Variants in LUC7L3 observed in about 807,000 individuals in gnomAD.
LUC7L3 encodes luc7-like protein 3.
Under a neutral mutation model 66.8 loss-of-function variants are expected in LUC7L3, and 6 were observed. The observed-to-expected ratio is 0.09, with a 90% CI of 0.05 to 0.18. The LOEUF is 0.18. Ranked by LOEUF, LUC7L3 falls within the 10% of genes least tolerant of loss-of-function variation. The pLI, the probability that LUC7L3 is intolerant of heterozygous loss-of-function variation, is 1.00. For missense variants in LUC7L3, 341 were observed against 531.1 expected, an observed-to-expected ratio of 0.64 and a Z score of 3.52; for synonymous variants, 160 against 174.7, an observed-to-expected ratio of 0.92 and a Z score of 0.66.
intron 7 of LUC7L3, 68 bp downstream of exon 7, chr17:50,744,881 A>C: frequency 1.2e-4 from 159 of 1,274,854 alleles, no homozygotes; most frequent in Non-Finnish European, 1.6e-4. Context: ...ACGCGATCTC[A>C]GCTCACTGCC....
At position 50,754,929 on chromosome 17, in the gene LUC7L3, G is replaced by A. The variant is rs1430427770; in HGVS notation, c.*4268G>A. 1 of 152,114 alleles carries A rather than the reference G, an allele frequency of 6.6e-6. No individual in the cohort carries two copies. Among genetic ancestry groups the A allele is most frequent in the Non-Finnish European group, 1.5e-5 (1 of 68,012 alleles). 9.4% of individuals were successfully genotyped at this position (152,114 alleles called of 1,614,324 possible). A position where few individuals can be genotyped will look rare whatever the true frequency, so the allele number is the denominator to read the frequency against. ...TGTAAGAACTGAAAATTTTTATGGTGGAAGTTCTCTGAGCCCTCATCCATT... is the reference window on the plus strand; with the variant it reads ...TGTAAGAACTGAAAATTTTTATGGTAGAAGTTCTCTGAGCCCTCATCCATT... On this transcript the variant is annotated 3_prime_UTR_variant, in exon 10 of 10. Transcript: ENST00000505658.
Position 50,732,927 on chromosome 17 carries a change from G to A in LUC7L3, c.100-4033G>A, listed in dbSNP as rs145460199. Among the ~76,000 whole-genome samples the A allele has an allele frequency of 2.2e-4, 33 of 152,272 alleles. No individual in the cohort carries two copies. The East Asian group carries it at 5.6e-3, about 26-fold the overall frequency. ...CTGGTTCTTTAGCAGATAAGCAACGGCGAAGATTCATTGTGCTGTGTTGCA... is the reference window on the plus strand; with the variant it reads ...CTGGTTCTTTAGCAGATAAGCAACGACGAAGATTCATTGTGCTGTGTTGCA... On this transcript the variant is annotated intron_variant, in intron 1 of 9. Transcript: ENST00000505658.
chr17:50,743,584 G>T (rs1970485472), intron 5 of LUC7L3, 122 bp from the exon 6 acceptor site: 2 of 633,842 alleles, frequency 3.2e-6, no homozygotes, highest in African/African-American at 1.9e-5. Flanking sequence ...AACCCAAAGA[G>T]GCTTTTGTAA....
intron 1 of LUC7L3, among the ~76,000 whole-genome samples, chr17:50,727,442 A>G (rs558922991): frequency 9.1e-4 from 138 of 152,284 alleles, no homozygotes; most frequent in African/African-American, 3.1e-3. Context: ...TTTCCAGTCA[A>G]CTAAGAATGG....
intron 1 of LUC7L3, among the ~76,000 whole-genome samples, chr17:50,732,233 G>C (rs150650585): frequency 6.6e-6 from 1 of 152,164 alleles, no homozygotes; most frequent in African/African-American, 2.4e-5. Context: ...AATCTTAGGG[G>C]CATTCCTGGA....
In LUC7L3 at chr17:50,753,639, T is replaced by C. The variant is rs543643857; in HGVS notation, c.*2978T>C. On this transcript the variant is annotated 3_prime_UTR_variant, in exon 10 of 10. Coordinates refer to ENST00000505658, the MANE Select transcript of LUC7L3 (RefSeq NM_016424.5). ...TTAAGATAAAATGGGAAGTAAAATC[T>C]AACAAACACAAAGATAGCTCCCAGG... The C allele has an allele frequency of 2.0e-4, 30 of 152,294 alleles. No individual in the cohort carries two copies. Among genetic ancestry groups the C allele is most frequent in the African/African-American group, 7.2e-4 (30 of 41,556 alleles). The allele number at this position is 152,294 out of a possible 1,614,324, so 9.4% of individuals were successfully genotyped here.
Position 50,753,961 on chromosome 17 carries a change from C to G in LUC7L3, c.*3300C>G, listed in dbSNP as rs984836569. On this transcript the variant is annotated 3_prime_UTR_variant, in exon 10 of 10. Transcript: ENST00000505658. ...ACCTGCCTCCCCAGGACATCTATGA[C>G]TAAGGCCTGGCTTTAGTTATGGAGA... 3.3e-5 allele frequency: 5 copies of G among 152,108 alleles called. No individual in the cohort carries two copies. Among genetic ancestry groups the G allele is most frequent in the Non-Finnish European group, 7.4e-5 (5 of 68,018 alleles). The allele number at this position is 152,108 out of a possible 1,614,324, so 9.4% of individuals were successfully genotyped here. A position where few individuals can be genotyped will look rare whatever the true frequency, so the allele number is the denominator to read the frequency against.
In LUC7L3 at chr17:50,751,598, A is replaced by G. The variant is rs999197399; in HGVS notation, c.*937A>G. Reference sequence around the variant, plus strand: ...TAGATATCTTTAAAGAATTTTAAATACAATAAACACTTCATATTATTCGCC... The same window carrying G: ...TAGATATCTTTAAAGAATTTTAAATGCAATAAACACTTCATATTATTCGCC... On this transcript the variant is annotated 3_prime_UTR_variant, in exon 10 of 10. Transcript: ENST00000505658. 2 of 1,148,332 alleles carry G rather than the reference A, an allele frequency of 1.7e-6. No individual in the cohort carries two copies. The highest frequency in any genetic ancestry group is 2.2e-6 in the Non-Finnish European group (2 of 921,182). 71.1% of individuals were successfully genotyped at this position (1,148,332 alleles called of 1,614,324 possible). A position where few individuals can be genotyped will look rare whatever the true frequency, so the allele number is the denominator to read the frequency against.
intron 7 of LUC7L3, 120 bp downstream of exon 7, chr17:50,744,933 T>G (rs1970573634): frequency 1.3e-6 from 1 of 741,086 alleles, no homozygotes; most frequent in Non-Finnish European, 2.1e-6. Context: ...TGCCTCAGCC[T>G]CCTGAGTAGC....
In LUC7L3 at chr17:50,733,904, C is replaced by T. The variant is rs75351239; in HGVS notation, c.100-3056C>T. ...AGTAAAAGTGGCATAATTGTTGCCACATCCTCCCTCCCCCAAATAAACTCT... is the reference window on the plus strand; with the variant it reads ...AGTAAAAGTGGCATAATTGTTGCCATATCCTCCCTCCCCCAAATAAACTCT... On this transcript the variant is annotated intron_variant, in intron 1 of 9. Coordinates refer to ENST00000505658, the MANE Select transcript of LUC7L3 (RefSeq NM_016424.5). 0.013 allele frequency among the ~76,000 whole-genome samples: 1,948 copies of T among 152,278 alleles called. 113 individuals carry two copies. In the East Asian group the frequency reaches 0.19, roughly 15 times the overall value.
intron 1 of LUC7L3, among the ~76,000 whole-genome samples, chr17:50,733,976 G>A (rs920539522): frequency 6.6e-6 from 1 of 152,124 alleles, no homozygotes; most frequent in Non-Finnish European, 1.5e-5. Flanking sequence ...GTATTTTACT[G>A]TGTTGCATTT....
intron 2 of LUC7L3, among the ~76,000 whole-genome samples, chr17:50,739,144 CAA>C (rs1481827969): frequency 6.6e-6 from 1 of 152,100 alleles, no homozygotes; most frequent in African/African-American, 2.4e-5. Flanking sequence ...AAAGAAAAAA[CAA>C]GAGATCCAGT....
chr17:50,740,481 A>T (rs369369494), intron 3 of LUC7L3, 136 bp downstream of exon 3: 1 of 748,636 alleles, frequency 1.3e-6, no homozygotes, highest in Non-Finnish European at 2.2e-6. Flanking sequence ...GGATAGTAAG[A>T]AAGTTCTATA....
chr17:50,733,463 G>A (rs1350403126), intron 1 of LUC7L3, among the ~76,000 whole-genome samples: 5 of 148,716 alleles, frequency 3.4e-5, no homozygotes, highest in African/African-American at 1.2e-4. Flanking sequence ...GTGCAGTGGC[G>A]CCATCTTGGC....
chr17:50,729,968 G>A (rs1249899806), intron 1 of LUC7L3, among the ~76,000 whole-genome samples: 1 of 143,374 alleles, frequency 7.0e-6, no homozygotes, highest in African/African-American at 2.6e-5. Context: ...GGGGTGGGGA[G>A]GTGGGGACAG....
At chr17:50,724,224 TA>T (rs879398962) in intron 1 of LUC7L3, 127 of 175,596 alleles carry the variant, frequency 7.2e-4, no homozygotes, top group South Asian at 2.6e-3. Flanking sequence ...ACAAGGACTT[TA>T]AAAAAAAAAC....
At chr17:50,745,262 G>C (rs915315049) in intron 7 of LUC7L3, among the ~76,000 whole-genome samples, 1 of 152,108 alleles carries the variant, frequency 6.6e-6, no homozygotes, top group African/African-American at 2.4e-5. Flanking sequence ...AAAGTGCTGA[G>C]CCACTGCGCT....
At chr17:50,720,639 T>TA (rs1483231629) in intron 1 of LUC7L3, among the ~76,000 whole-genome samples, 1 of 152,248 alleles carries the variant, frequency 6.6e-6, no homozygotes, top group African/African-American at 2.4e-5. Flanking sequence ...ATGTTTACTT[T>TA]AGGTCTTATC....
chr17:50,739,074 C>T (rs1970177640), intron 2 of LUC7L3, among the ~76,000 whole-genome samples: 1 of 152,144 alleles, frequency 6.6e-6, no homozygotes, highest in South Asian at 2.1e-4. Context: ...ACTGATTTAT[C>T]TCCCACGGGC....
Sources: gnomAD v4.1 joint callset for allele counts (sites outside exome capture counted in the v4.1 genomes callset) on GRCh38, gnomAD v4.1.1 for gene constraint, MANE v1.5 for transcripts, NCBI Gene and HGNC (gene_info 2026-07-23, HGNC 2026-07-21) for gene names.